The following MEGF11 variants were observed in gnomAD, a reference collection of about 807,000 sequenced individuals.
MEGF11 encodes multiple epidermal growth factor-like domains protein 11.
In MEGF11, 126 loss-of-function variants were observed where a neutral mutation model predicts 146.6. The ratio of observed to expected loss-of-function variants is 0.86; its 90% CI spans 0.74 to 1.00. The LOEUF (loss-of-function observed/expected upper bound fraction) is 1.00, where lower values mean the gene tolerates loss of function less well. Ranked by LOEUF, MEGF11 falls within the 50% of genes least tolerant of loss-of-function variation. The pLI is 0.00. For synonymous variants in MEGF11, 532 were observed against 583.4 expected, an observed-to-expected ratio of 0.91 and a Z score of 1.27; for missense variants, 1,509 against 1,521.2, an observed-to-expected ratio of 0.99 and a Z score of 0.13.
At chr15:66,079,183 C>A (rs1237916911) in intron 5 of MEGF11, among the ~76,000 whole-genome samples, 1 of 152,202 alleles carries the variant, frequency 6.6e-6, no homozygotes, top group Non-Finnish European at 1.5e-5. Context: ...GCCCCATGGC[C>A]TGCCTGCCTT....
chr15:65,982,007 T>TG lies in MEGF11; in HGVS notation c.641+234dup, dbSNP rs1156341470. Reference sequence around the variant, plus strand: ...GGAAGGAAGGAATCTGAGACCTGCGTGGGTGAGGCCTGGGCATTTAGACTC... The same window carrying TG: ...GGAAGGAAGGAATCTGAGACCTGCGTGGGGTGAGGCCTGGGCATTTAGACTC... On this transcript the variant is annotated intron_variant, in intron 6 of 25. Coordinates refer to ENST00000395614, the MANE Select transcript of MEGF11 (RefSeq NM_001385028.1). This position sits in a 1 kb window ranked among gnomAD's most constrained non-coding sequence, Gnocchi z 5.6. 6.6e-6 allele frequency among the ~76,000 whole-genome samples: 1 copy of TG among 152,180 alleles called. No homozygotes were observed. Among genetic ancestry groups the TG allele is most frequent in the Non-Finnish European group, 1.5e-5 (1 of 68,020 alleles).
At chr15:66,187,533 C>G (rs566593392) in intron 1 of MEGF11, among the ~76,000 whole-genome samples, 1 of 152,226 alleles carries the variant, frequency 6.6e-6, no homozygotes, top group Admixed American at 6.5e-5. Context: ...GCCCCTCACA[C>G]CCCCACCTCT....
rs1396367845 is a variant in MEGF11, at chr15:65,915,525, A to G, written c.2418T>C (p.His806=). 1 of 1,613,840 alleles carries G rather than the reference A, an allele frequency of 6.2e-7. No homozygotes were observed. The highest frequency in any genetic ancestry group is 8.5e-7 in the Non-Finnish European group (1 of 1,179,876). The stretch of plus-strand genomic sequence containing the variant: ...GGCTGCAGTAACAGGTGCCGGTGAC[A>G]TGGTCACAGGTGGAGTTGTTCATGC... ...CECMNNSTCD[H]VTGTCYCSPG... is the part of the protein sequence containing the mutation. The change falls in exon 19 of 26, where the codon CAT becomes CAC. Residue 806 remains histidine, a synonymous_variant. Coordinates refer to ENST00000395614, the MANE Select transcript of MEGF11 (RefSeq NM_001385028.1).
chr15:66,231,150 G>A (rs1286492717), intron 1 of MEGF11, among the ~76,000 whole-genome samples: 2 of 152,190 alleles, frequency 1.3e-5, no homozygotes, highest in East Asian at 3.9e-4. Flanking sequence ...CAGAACTGGT[G>A]TTCCACAGAA....
At chr15:65,900,182 A>AG (rs989209966) in intron 24 of MEGF11, among the ~76,000 whole-genome samples, 3 of 152,246 alleles carry the variant, frequency 2.0e-5, no homozygotes, top group African/African-American at 7.2e-5. Context: ...GTGATCTAAA[A>AG]GGCGTCTCAG....
intron 1 of MEGF11, among the ~76,000 whole-genome samples, chr15:66,147,459 C>T (rs1312367395): frequency 1.3e-5 from 2 of 152,220 alleles, no homozygotes; most frequent in Non-Finnish European, 2.9e-5. Flanking sequence ...AAACCACAGA[C>T]CCTGTGGTTT....
At chr15:65,944,131 G>C (rs2080105832) in intron 10 of MEGF11, among the ~76,000 whole-genome samples, 1 of 152,220 alleles carries the variant, frequency 6.6e-6, no homozygotes, top group Non-Finnish European at 1.5e-5. Context: ...ACTGTGCCGG[G>C]CTTGGATAGG....
Position 65,940,089 on chromosome 15 carries a change from CG to C in MEGF11, c.1288-9147del, listed in dbSNP as rs377044790. 6.8e-3 allele frequency among the ~76,000 whole-genome samples: 1,036 copies of C among 152,130 alleles called. 9 individuals carry two copies. Among genetic ancestry groups the C allele is most frequent in the African/African-American group, 0.023 (965 of 41,478 alleles). ...TTGTCAGTAATGTCTAGTGGCTAGA[CG>C]GGGTGGGGCATAAAATGAGGCTGTG... On this transcript the variant is annotated intron_variant, in intron 10 of 25. Transcript: ENST00000395614.
At chr15:65,905,756 T>G (rs2078607917) in intron 24 of MEGF11, 1 of 213,186 alleles carries the variant, frequency 4.7e-6, no homozygotes, top group African/African-American at 2.3e-5. Context: ...TCAACTTTAT[T>G]TCAGATTTTA....
intron 1 of MEGF11, among the ~76,000 whole-genome samples, chr15:66,173,352 GT>G (rs1175851501): frequency 1.3e-5 from 2 of 151,950 alleles, no homozygotes; most frequent in Non-Finnish European, 2.9e-5. Context: ...TCTCGCTCTT[GT>G]GGCCCAGGCT....
chr15:66,081,536 G>A (rs1011215049), intron 5 of MEGF11, among the ~76,000 whole-genome samples: 1 of 152,112 alleles, frequency 6.6e-6, no homozygotes, highest in Non-Finnish European at 1.5e-5. Flanking sequence ...CCTCCACCAT[G>A]CCCAGCTAAT....
At chr15:66,062,379 G>A (rs1225647307) in intron 5 of MEGF11, among the ~76,000 whole-genome samples, 1 of 152,224 alleles carries the variant, frequency 6.6e-6, no homozygotes, top group East Asian at 1.9e-4. Context: ...GCTAGAAGTT[G>A]CCACGTTGTA....
intron 5 of MEGF11, among the ~76,000 whole-genome samples, chr15:66,038,476 T>G (rs2083812298): frequency 6.6e-6 from 1 of 152,190 alleles, no homozygotes; most frequent in Non-Finnish European, 1.5e-5. Context: ...AATCTGTTTT[T>G]CACTATTTCC....
chr15:66,248,737 C>T (rs7164161), intron 1 of MEGF11, among the ~76,000 whole-genome samples: 11,695 of 152,228 alleles, frequency 0.077, 526 homozygotes, highest in Non-Finnish European at 0.091. Flanking sequence ...AGACCATCAG[C>T]GAAACTCCTC....
chr15:65,909,707 G>T (rs1370376398), intron 22 of MEGF11, 33 bp downstream of exon 22: 2 of 1,536,238 alleles, frequency 1.3e-6, no homozygotes, highest in Non-Finnish European at 8.7e-7. Context: ...GGTGGGACAT[G>T]ATGGTGGGGA....
chr15:65,975,516 G>A (rs560994642), intron 7 of MEGF11, among the ~76,000 whole-genome samples: 4 of 152,218 alleles, frequency 2.6e-5, no homozygotes, highest in African/African-American at 9.6e-5. Flanking sequence ...CTCTTCCCTG[G>A]TTTGAGCTCA....
intron 1 of MEGF11, among the ~76,000 whole-genome samples, chr15:66,252,343 G>A (rs1460862671): frequency 6.6e-6 from 1 of 152,024 alleles, no homozygotes; most frequent in Non-Finnish European, 1.5e-5. Context: ...GAGATGGCCA[G>A]GAGCCCAAAC....
At chr15:65,898,338 A>G (rs1185780571) in intron 25 of MEGF11, 2 of 985,448 alleles carry the variant, frequency 2.0e-6, no homozygotes, top group Non-Finnish European at 2.4e-6. Flanking sequence ...GAGTCTTACC[A>G]GTGAGCCCAG....
intron 4 of MEGF11, among the ~76,000 whole-genome samples, chr15:66,107,053 T>TCCCCCCCCC (rs1555471295): frequency 3.8e-5 from 4 of 104,784 alleles, no homozygotes; most frequent in African/African-American, 1.5e-4. Flanking sequence ...TTTATATTCC[T>TCCCCCCCCC]ACCCCCCCAC....
Sources: allele counts gnomAD v4.1 joint callset (sites outside exome capture counted in the v4.1 genomes callset), GRCh38; gene constraint gnomAD v4.1.1; non-coding constraint Gnocchi (gnomAD v3.1); transcripts MANE v1.5; gene names NCBI Gene and HGNC (gene_info 2026-07-23, HGNC 2026-07-21).